SORL1: variants seen among roughly 807,000 people sequenced by gnomAD.
SORL1 encodes the protein sortilin-related receptor.
Under a neutral mutation model 273.7 loss-of-function variants are expected in SORL1, and 127 were observed. The observed-to-expected ratio is 0.46, with a 90% CI of 0.40 to 0.54. The LOEUF is 0.54. Ranked by LOEUF, SORL1 falls within the 20% of genes least tolerant of loss-of-function variation. SORL1 has a pLI of 0.00. For synonymous variants in SORL1, 1,031 were observed against 1,067.4 expected, an observed-to-expected ratio of 0.97 and a Z score of 0.66; for missense variants, 2,494 against 2,846.1, an observed-to-expected ratio of 0.88 and a Z score of 2.81.
chr11:121,496,969 CG>C lies in SORL1; in HGVS notation c.862del (p.Glu288LysfsTer5), dbSNP rs2134823550. Reference sequence around the variant, plus strand: ...CCGAAGTACAGATTTCTTCCAGTCCCGGGAAAACCAGGAAGTGATCCTTGAG... The same window carrying C: ...CCGAAGTACAGATTTCTTCCAGTCCCGGAAAACCAGGAAGTGATCCTTGAG... ...VFRSTDFFQS[R>X]ENQEVILEEV... On this transcript the variant is annotated frameshift_variant, in exon 6 of 48. Coordinates refer to ENST00000260197, the MANE Select transcript of SORL1 (RefSeq NM_003105.6). LOFTEE classifies it high-confidence loss of function. 1 of 1,614,048 alleles carries C rather than the reference CG, an allele frequency of 6.2e-7. No individual in the cohort carries two copies. The highest frequency in any genetic ancestry group is 8.5e-7 in the Non-Finnish European group (1 of 1,179,978).
At position 121,583,501 on chromosome 11, in the gene SORL1, C is replaced by T. The variant is rs201880523; in HGVS notation, c.3624C>T (p.Asn1208=). The change falls in exon 26 of 48, where the codon AAC becomes AAT. Residue 1208 remains asparagine (N), a synonymous_variant. Coordinates refer to ENST00000260197, the MANE Select transcript of SORL1 (RefSeq NM_003105.6). The stretch of plus-strand genomic sequence containing the variant: ...AGGCCTCCAACTTCCAGTGCCGAAA[C>T]GGGCACTGCATCCCCCAGCGGTGGG... ...TCEASNFQCR[N]GHCIPQRWAC... is the part of the protein sequence containing the mutation. 26 of 1,612,910 alleles carry T rather than the reference C, an allele frequency of 1.6e-5. No individual in the cohort carries two copies. Among genetic ancestry groups the T allele is most frequent in the Middle Eastern group, 1.7e-4 (1 of 6,054 alleles).
chr11:121,518,965 T>C (rs1333910633), intron 8 of SORL1, among the ~76,000 whole-genome samples: 1 of 151,212 alleles, frequency 6.6e-6, no homozygotes, highest in Non-Finnish European at 1.5e-5. Flanking sequence ...TTTTTTTTTT[T>C]TGAGTTGGAG....
chr11:121,532,658 C>A, intron 12 of SORL1, 106 bp downstream of exon 12: 27 of 865,608 alleles, frequency 3.1e-5, no homozygotes, highest in Non-Finnish European at 4.6e-5. Flanking sequence ...GTTGACAGCA[C>A]AATTTGTGAT....
chr11:121,565,414 C>T (rs1191089919), intron 21 of SORL1, among the ~76,000 whole-genome samples: 1 of 152,314 alleles, frequency 6.6e-6, no homozygotes, highest in East Asian at 1.9e-4. Context: ...GATGTGCCCA[C>T]ACACCCAAAG....
chr11:121,622,115 CA>C (rs1863731329), intron 44 of SORL1, 46 bp from the exon 45 acceptor site: 1 of 1,040,954 alleles, frequency 9.6e-7, no homozygotes, highest in Middle Eastern at 2.5e-4. Flanking sequence ...AATAGAGTTT[CA>C]AATGTATATC....
intron 12 of SORL1, among the ~76,000 whole-genome samples, chr11:121,537,103 T>A (rs1862278245): frequency 6.6e-6 from 1 of 152,060 alleles, no homozygotes; most frequent in Non-Finnish European, 1.5e-5. Context: ...GCATGATCAG[T>A]GGGGAATGTG....
intron 7 of SORL1, 72 bp downstream of exon 7, chr11:121,513,176 C>A: frequency 9.1e-7 from 1 of 1,103,830 alleles, no homozygotes; most frequent in Non-Finnish European, 1.4e-6. Flanking sequence ...AAGGTTGTTG[C>A]AGGGATGGCC....
chr11:121,545,899 A>T (rs1462346831), intron 14 of SORL1, among the ~76,000 whole-genome samples: 3 of 152,220 alleles, frequency 2.0e-5, no homozygotes, highest in Non-Finnish European at 4.4e-5. Flanking sequence ...AAGTAGGAGA[A>T]GTGATTTGTG....
At chr11:121,536,703 T>G (rs1484001118) in intron 12 of SORL1, among the ~76,000 whole-genome samples, 1 of 152,014 alleles carries the variant, frequency 6.6e-6, no homozygotes, top group African/African-American at 2.4e-5. Flanking sequence ...CCACCAAGCT[T>G]GGTCTTTATC....
In SORL1 at chr11:121,627,547, C is replaced by T. The variant is rs1377847719; in HGVS notation, c.6365-8C>T. 30 of 1,613,556 alleles carry T rather than the reference C, an allele frequency of 1.9e-5. No individual in the cohort carries two copies. The highest frequency in any genetic ancestry group is 2.4e-5 in the Non-Finnish European group (28 of 1,179,520). On this transcript the variant is annotated splice_polypyrimidine_tract_variant and splice_region_variant and intron_variant, in intron 46 of 47. Transcript: ENST00000260197. This position sits in a 1 kb window ranked among gnomAD's most constrained non-coding sequence, Gnocchi z 4.9. Reference sequence around the variant, plus strand: ...GTGGGCTTATTGGTGGGAACTTTGCCTTGGCAGGTGCAGATGCATCTGCAA... The same window carrying T: ...GTGGGCTTATTGGTGGGAACTTTGCTTTGGCAGGTGCAGATGCATCTGCAA...
intron 11 of SORL1, among the ~76,000 whole-genome samples, chr11:121,527,842 T>A (rs919758507): frequency 1.3e-5 from 2 of 152,138 alleles, no homozygotes; most frequent in Non-Finnish European, 2.9e-5. Context: ...ATATTGGTGA[T>A]ATGTGTATTT....
At chr11:121,457,793 A>G (rs3824963) in intron 1 of SORL1, among the ~76,000 whole-genome samples, 41,628 of 152,126 alleles carry the variant, frequency 0.27, 6,162 homozygotes, top group Middle Eastern at 0.43. Flanking sequence ...TACAGTGATC[A>G]TGGATCTTGG....
intron 1 of SORL1, among the ~76,000 whole-genome samples, chr11:121,464,311 T>C (rs1413661312): frequency 1.1e-4 from 16 of 152,190 alleles, no homozygotes; most frequent in Admixed American, 1.0e-3. Context: ...TATACAGATT[T>C]CGGTGGTTTT....
intron 20 of SORL1, among the ~76,000 whole-genome samples, chr11:121,559,189 C>T (rs745456961): frequency 1.3e-5 from 2 of 152,178 alleles, no homozygotes; most frequent in Non-Finnish European, 2.9e-5. Context: ...CTCTGCACCA[C>T]CTATAGTGCC....
At chr11:121,599,297 C>G (rs578245410) in intron 32 of SORL1, among the ~76,000 whole-genome samples, 8 of 152,324 alleles carry the variant, frequency 5.3e-5, no homozygotes, top group Admixed American at 4.6e-4. Flanking sequence ...GTAATCCCAG[C>G]ACTTTGGGAG....
At chr11:121,598,446 G>A (rs2134912439) in intron 32 of SORL1, among the ~76,000 whole-genome samples, 1 of 152,282 alleles carries the variant, frequency 6.6e-6, no homozygotes, top group Non-Finnish European at 1.5e-5. Context: ...GCTTTCCCTG[G>A]GTGGGGCTAG....
At chr11:121,463,206 T>G (rs887033905) in intron 1 of SORL1, among the ~76,000 whole-genome samples, 2 of 152,148 alleles carry the variant, frequency 1.3e-5, no homozygotes, top group African/African-American at 2.4e-5. Context: ...TTGCAAAAGG[T>G]GGCATTTCAT....
intron 16 of SORL1, among the ~76,000 whole-genome samples, chr11:121,551,238 C>A (rs1479169083): frequency 6.6e-6 from 1 of 152,194 alleles, no homozygotes; most frequent in Non-Finnish European, 1.5e-5. Flanking sequence ...TAAGGTCACA[C>A]ATCTAGTAAG....
At chr11:121,605,768 C>T (rs1403039531) in intron 35 of SORL1, among the ~76,000 whole-genome samples, 197 bp downstream of exon 35, 2 of 152,134 alleles carry the variant, frequency 1.3e-5, no homozygotes, top group African/African-American at 4.8e-5. Flanking sequence ...GTTCTTGTAC[C>T]TTAAGTTAAT....
Sources: gnomAD v4.1 joint callset for allele counts (sites outside exome capture counted in the v4.1 genomes callset) on GRCh38, gnomAD v4.1.1 for gene constraint, Gnocchi (gnomAD v3.1) non-coding constraint, MANE v1.5 for transcripts, NCBI Gene and HGNC (gene_info 2026-07-23, HGNC 2026-07-21) for gene names.